Variants in FRMD5 observed in about 807,000 individuals in gnomAD.
The protein encoded by FRMD5 is FERM domain-containing protein 5.
FRMD5 carries 20 observed loss-of-function variants against 69.0 expected under a neutral mutation model. That is an observed-to-expected ratio of 0.29 (90% CI 0.20 to 0.42). The LOEUF (loss-of-function observed/expected upper bound fraction) is 0.42. Ranked by LOEUF, FRMD5 falls within the 10% of genes least tolerant of loss-of-function variation. The probability of loss-of-function intolerance (pLI) is 1.00; values close to 1 mark genes in which losing one functional copy is unlikely to be tolerated. For missense variants in FRMD5, 595 were observed against 708.6 expected (o/e 0.84, Z 1.82); for synonymous variants, 271 against 260.1 (o/e 1.04, Z -0.40).
At chr15:43,969,903 T>C (rs2090349955) in intron 1 of FRMD5, among the ~76,000 whole-genome samples, 1 of 152,252 alleles carries the variant, frequency 6.6e-6, no homozygotes, top group Admixed American at 6.5e-5. Context: ...TTATTTCTTC[T>C]GTGTTCTGGT....
intron 8 of FRMD5, among the ~76,000 whole-genome samples, chr15:43,891,541 G>C (rs2088793062): frequency 6.6e-6 from 1 of 152,188 alleles, no homozygotes; most frequent in East Asian, 1.9e-4. Context: ...ATCTGCCCCA[G>C]AGGTCACTGT....
rs140603504 is a variant in FRMD5 at position 44,106,780 on chromosome 15, T to C, written c.102+88173A>G. Among the ~76,000 whole-genome samples, 3 of 152,340 alleles carry C rather than the reference T, an allele frequency of 2.0e-5. No homozygotes were observed. In the East Asian group the frequency reaches 5.8e-4, roughly 29 times the overall value. ...AGTTCTGCCACCGATTCTACACAACTAGTACTGGGACTGAAAATACAAAGC... is the reference window on the plus strand; with the variant it reads ...AGTTCTGCCACCGATTCTACACAACCAGTACTGGGACTGAAAATACAAAGC... On this transcript the variant is annotated intron_variant, in intron 1 of 13. Transcript: ENST00000417257.
At chr15:43,960,835 T>C (rs917906588) in intron 1 of FRMD5, among the ~76,000 whole-genome samples, 2 of 152,136 alleles carry the variant, frequency 1.3e-5, no homozygotes, top group African/African-American at 4.8e-5. Context: ...TGAGTCCCAT[T>C]TTATGGCTTA....
rs561041141 is a variant in FRMD5 at position 44,105,110 on chromosome 15, G to C, written c.102+89843C>G. ...TCTTTTTTTTTTTTTTTTGAGACAG[G>C]GTCTCACCCAGGCTGGAGTGCAGTG... On this transcript the variant is annotated intron_variant, in intron 1 of 13. Coordinates refer to ENST00000417257, the MANE Select transcript of FRMD5 (RefSeq NM_032892.5). Among the ~76,000 whole-genome samples, 19 of 147,056 alleles carry C rather than the reference G, an allele frequency of 1.3e-4. No individual in the cohort carries two copies. In the East Asian group the frequency reaches 3.6e-3, roughly 28 times the overall value.
At chr15:43,966,611 T>C (rs746606487) in intron 1 of FRMD5, among the ~76,000 whole-genome samples, 12 of 152,034 alleles carry the variant, frequency 7.9e-5, no homozygotes, top group East Asian at 3.9e-4. Flanking sequence ...TTTTTAGGGA[T>C]TGATAGAATC....
intron 1 of FRMD5, among the ~76,000 whole-genome samples, chr15:43,990,955 T>G (rs1357422139): frequency 6.6e-6 from 1 of 152,212 alleles, no homozygotes; most frequent in African/African-American, 2.4e-5. Context: ...TGGATTTGGG[T>G]TAACTTAAAA....
rs146073533 is a variant in FRMD5, at chr15:44,027,158, C to A, written c.103-102849G>T. Among the ~76,000 whole-genome samples, 329 of 152,178 alleles carry A rather than the reference C, an allele frequency of 2.2e-3. 3 individuals are homozygous for A. Among genetic ancestry groups the A allele is most frequent in the African/African-American group, 7.7e-3 (319 of 41,522 alleles). On this transcript the variant is annotated intron_variant, in intron 1 of 13. Coordinates refer to ENST00000417257, the MANE Select transcript of FRMD5 (RefSeq NM_032892.5). ...AACCCACCACTGAATAGGGTTAGTA[C>A]CTTCTTCTCTATATTACGTCCCTAT...
chr15:44,194,773 G>A (rs1203413873), intron 1 of FRMD5, 180 bp downstream of exon 1: 5 of 691,036 alleles, frequency 7.2e-6, no homozygotes, highest in Non-Finnish European at 1.3e-5. Context: ...GGGTGCCAGG[G>A]CTCCGGCAGG....
chr15:44,005,771 T>C (rs1218632037), intron 1 of FRMD5, among the ~76,000 whole-genome samples: 2 of 152,126 alleles, frequency 1.3e-5, no homozygotes, highest in African/African-American at 4.8e-5. Context: ...AAACCATTCA[T>C]GAGAAGCCAC....
At chr15:44,036,122 G>A (rs1254529295) in intron 1 of FRMD5, among the ~76,000 whole-genome samples, 2 of 151,976 alleles carry the variant, frequency 1.3e-5, no homozygotes, top group African/African-American at 2.4e-5. Context: ...GTACTGAGAG[G>A]GCACTTGTCA....
intron 7 of FRMD5, among the ~76,000 whole-genome samples, chr15:43,893,406 G>A (rs561929932): frequency 2.6e-5 from 4 of 152,282 alleles, no homozygotes; most frequent in South Asian, 4.1e-4. Context: ...GGGAGCGGGC[G>A]GAGCAGAAGC....
At chr15:43,880,035 G>C (rs2088481049) in intron 13 of FRMD5, among the ~76,000 whole-genome samples, 1 of 152,338 alleles carries the variant, frequency 6.6e-6, no homozygotes, top group African/African-American at 2.4e-5. Flanking sequence ...GCAAGGGACA[G>C]AGGGGGCAGA....
chr15:43,894,786 G>A, intron 7 of FRMD5, among the ~76,000 whole-genome samples: 1 of 152,132 alleles, frequency 6.6e-6, no homozygotes, highest in East Asian at 1.9e-4. Flanking sequence ...GCGGGCTCTT[G>A]GTCAAACCGC....
chr15:44,072,038 G>C (rs1208317556), intron 1 of FRMD5, among the ~76,000 whole-genome samples: 1 of 152,032 alleles, frequency 6.6e-6, no homozygotes, highest in Non-Finnish European at 1.5e-5. Context: ...GCTAATTTTT[G>C]TATTTTTAGC....
Position 43,872,301 on chromosome 15 carries a change from G to A in FRMD5, c.*1584C>T, listed in dbSNP as rs76721336. The A allele has an allele frequency of 6.6e-6, 1 of 152,128 alleles. No individual in the cohort carries two copies. The highest frequency in any genetic ancestry group is 1.9e-4 in the East Asian group (1 of 5,178). 9.4% of individuals were successfully genotyped at this position (152,128 alleles called of 1,614,324 possible). A position where few individuals can be genotyped will look rare whatever the true frequency, so the allele number is the denominator to read the frequency against. ...CTACCATCTCGGGGGACAAAATAGG[G>A]GAGGTCAAGTCTACAAGTGACTTGT... On this transcript the variant is annotated 3_prime_UTR_variant, in exon 14 of 14. Coordinates refer to ENST00000417257, the MANE Select transcript of FRMD5 (RefSeq NM_032892.5).
chr15:44,048,282 G>A (rs2412855), intron 1 of FRMD5, among the ~76,000 whole-genome samples: 124,980 of 152,098 alleles, frequency 0.82, 54,294 homozygotes, highest in Non-Finnish European at 0.95. Context: ...GTATCTCACT[G>A]TCGTTTTGAT....
Position 43,875,804 on chromosome 15 carries a change from G to GTTTTTTTTTTTTTTTTT in FRMD5, c.1136-1359_1136-1343dup, listed in dbSNP as rs34063043. On this transcript the variant is annotated intron_variant, in intron 13 of 13. Transcript: ENST00000417257. ...TCTTGCCTTTGGTGTCCTGGGCCTA[G>GTTTTTTTTTTTTTTTTT]TTTTTTTTTTTTTTTTTTTTTTTCT... 17 of 210,660 alleles carry GTTTTTTTTTTTTTTTTT rather than the reference G, an allele frequency of 8.1e-5. 2 individuals carry two copies. The highest frequency in any genetic ancestry group is 2.6e-4 in the Admixed American group (3 of 11,574). The allele number at this position is 210,660 out of a possible 1,614,324, so 13.0% of individuals were successfully genotyped here.
At chr15:44,175,563 TATAAAG>T (rs200781052) in intron 1 of FRMD5, among the ~76,000 whole-genome samples, 1,971 of 152,278 alleles carry the variant, frequency 0.013, 49 homozygotes, top group African/African-American at 0.046. Flanking sequence ...GGCAGTTTCT[TATAAAG>T]GTAAACAGAC....
intron 1 of FRMD5, among the ~76,000 whole-genome samples, chr15:44,010,021 A>G (rs892841292): frequency 1.3e-5 from 2 of 152,296 alleles, no homozygotes; most frequent in African/African-American, 4.8e-5. Flanking sequence ...CCTGACCTTC[A>G]AAGGGGTTTA....
Sources: gnomAD v4.1 joint callset for allele counts (sites outside exome capture counted in the v4.1 genomes callset) on GRCh38, gnomAD v4.1.1 for gene constraint, MANE v1.5 for transcripts, NCBI Gene and HGNC (gene_info 2026-07-23, HGNC 2026-07-21) for gene names.